TJP1: variants seen among roughly 807,000 people sequenced by gnomAD.
TJP1 encodes the protein tight junction protein 1, also known as tight junction protein ZO-1.
TJP1 carries 43 observed loss-of-function variants against 194.2 expected under a neutral mutation model. The ratio of observed to expected loss-of-function variants is 0.22; its 90% CI spans 0.17 to 0.29. The LOEUF (loss-of-function observed/expected upper bound fraction) is 0.29. Among genes scored for constraint, TJP1 ranks in the 10% least tolerant of loss-of-function variants. TJP1 has a pLI of 1.00. For missense variants in TJP1, 1,971 were observed against 2,185.7 expected, an observed-to-expected ratio of 0.90 and a Z score of 1.96; for synonymous variants, 801 against 779.0, an observed-to-expected ratio of 1.03 and a Z score of -0.47.
intron 2 of TJP1, among the ~76,000 whole-genome samples, chr15:29,928,386 G>A (rs1353705534): frequency 1.3e-5 from 2 of 152,144 alleles, no homozygotes; most frequent in Non-Finnish European, 2.9e-5. Flanking sequence ...AACGACAAGT[G>A]TTGCTAAATA....
At position 29,732,547 on chromosome 15, in the gene TJP1, G is replaced by A; in HGVS notation, c.1922-19C>T. 1 of 1,613,742 alleles carries A rather than the reference G, an allele frequency of 6.2e-7. No homozygotes were observed. The highest frequency in any genetic ancestry group is 8.5e-7 in the Non-Finnish European group (1 of 1,179,746). ...AATCCAGCTGGAGAGAAATTCACAT[G>A]AAAAACAGCATATTTTATACCTTTT... is the stretch of plus-strand genomic sequence containing the variant. On this transcript the variant is annotated intron_variant, in intron 14 of 27. Transcript: ENST00000614355.
intron 1 of TJP1, among the ~76,000 whole-genome samples, chr15:29,965,362 A>C (rs780494744): frequency 1.3e-5 from 2 of 151,964 alleles, no homozygotes; most frequent in East Asian, 3.9e-4. Context: ...GGCACACACC[A>C]CCATGCCTGG....
At position 29,755,667 on chromosome 15, in the gene TJP1, C is replaced by T. The variant is rs545487525; in HGVS notation, c.1010+5472G>A. Among the ~76,000 whole-genome samples, 5 of 152,268 alleles carry T rather than the reference C, an allele frequency of 3.3e-5. No individual in the cohort carries two copies. The South Asian group carries it at 8.3e-4, about 25-fold the overall frequency. On this transcript the variant is annotated intron_variant, in intron 8 of 27. Coordinates refer to ENST00000614355, the MANE Select transcript of TJP1 (RefSeq NM_001330239.4). ...TAAGTTTCTCAGAACTAACCATTTT[C>T]GTAAAATGGATTTGCTAAATATAAA...
At chr15:29,873,905 G>A (rs2052610083) in intron 2 of TJP1, among the ~76,000 whole-genome samples, 1 of 152,206 alleles carries the variant, frequency 6.6e-6, no homozygotes, top group Non-Finnish European at 1.5e-5. Context: ...AGAACAAGAA[G>A]TACGTGAGAT....
chr15:29,779,072 C>A (rs146249800), intron 2 of TJP1, among the ~76,000 whole-genome samples: 13 of 152,300 alleles, frequency 8.5e-5, no homozygotes, highest in South Asian at 6.2e-4. Flanking sequence ...AAATCTCCCA[C>A]GAACTTCCTT....
At chr15:29,947,796 C>T (rs1293418694) in intron 2 of TJP1, among the ~76,000 whole-genome samples, 4 of 152,214 alleles carry the variant, frequency 2.6e-5, no homozygotes, top group Non-Finnish European at 5.9e-5. Flanking sequence ...GGCAGAGTCA[C>T]AGCAGCCACC....
intron 16 of TJP1, 94 bp from the exon 17 acceptor site, chr15:29,727,085 T>C: frequency 8.9e-7 from 1 of 1,120,268 alleles, no homozygotes; most frequent in East Asian, 2.4e-5. Context: ...ACGCTACGCC[T>C]ATAATCCTAG....
Position 29,701,432 on chromosome 15 carries a change from T to A in TJP1, c.*163A>T. 1.8e-6 allele frequency: 1 copy of A among 549,430 alleles called. No homozygotes were observed. The highest frequency in any genetic ancestry group is 3.2e-6 in the Non-Finnish European group (1 of 311,914). 34.0% of individuals were successfully genotyped at this position (549,430 alleles called of 1,614,324 possible). A position where few individuals can be genotyped will look rare whatever the true frequency, so the allele number is the denominator to read the frequency against. On this transcript the variant is annotated 3_prime_UTR_variant, in exon 28 of 28. Transcript: ENST00000614355. ...CAGTGTGTAGCATGTTTTCCGACCA[T>A]GGTTCAGGGGCATGCTCACTCATCT... is the stretch of plus-strand genomic sequence containing the variant.
intron 1 of TJP1, among the ~76,000 whole-genome samples, chr15:29,801,441 A>G (rs1204140855): frequency 2.0e-5 from 3 of 150,546 alleles, no homozygotes; most frequent in Admixed American, 6.7e-5. Context: ...GAGCCTCTCA[A>G]TAGAGAGGAA....
chr15:29,824,539 G>C (rs1404183514), upstream of TJP1, among the ~76,000 whole-genome samples: 1 of 151,542 alleles, frequency 6.6e-6, no homozygotes, highest in African/African-American at 2.4e-5. Flanking sequence ...TTTGAGACCA[G>C]CCTGGGAAAC....
At position 29,822,068 on chromosome 15, in the gene TJP1, G is replaced by A. The variant is rs984508774; in HGVS notation, c.-40C>T. The A allele has an allele frequency of 6.3e-6, 8 of 1,262,930 alleles. No homozygotes were observed. Among genetic ancestry groups the A allele is most frequent in the East Asian group, 3.2e-5 (1 of 31,440 alleles). 78.2% of individuals were successfully genotyped at this position (1,262,930 alleles called of 1,614,324 possible). The stretch of plus-strand genomic sequence containing the variant: ...GCGCCGCGCGAGGCTCCTCGGACCC[G>A]AAACTCCGCGGCGCTGGCCCGCCCG... On this transcript the variant is annotated 5_prime_UTR_variant, in exon 1 of 28. Coordinates refer to ENST00000614355, the MANE Select transcript of TJP1 (RefSeq NM_001330239.4).
chr15:29,732,385 A>T, intron 15 of TJP1, 48 bp downstream of exon 15: 3 of 1,478,180 alleles, frequency 2.0e-6, no homozygotes, highest in Non-Finnish European at 2.8e-6. Context: ...CACTCACTTT[A>T]GAGGTGTAAC....
chr15:29,841,446 T>A (rs900901423), intron 2 of TJP1, among the ~76,000 whole-genome samples: 6 of 152,212 alleles, frequency 3.9e-5, no homozygotes, highest in Non-Finnish European at 5.9e-5. Context: ...GACCTATACT[T>A]TGCAACACTT....
chr15:29,733,304 C>A lies in TJP1; in HGVS notation c.1526G>T (p.Arg509Leu), dbSNP rs776245658. 1 of 1,606,040 alleles carries A rather than the reference C, an allele frequency of 6.2e-7. No individual in the cohort carries two copies. Among genetic ancestry groups the A allele is most frequent in the Non-Finnish European group, 8.5e-7 (1 of 1,174,364 alleles). The change falls in exon 13 of 28, where the codon CGC (arginine) becomes CTC (leucine). Residue 509 changes from arginine (R) to leucine (L), a missense_variant. Coordinates refer to ENST00000614355, the MANE Select transcript of TJP1 (RefSeq NM_001330239.4). ...LAQKKKDVYR[R>L]IVESDVGDSF... Reference sequence around the variant, plus strand: ...ATCTCCTACATCTGATTCTACAATGCGACGATAAACTAAAAGGAATAAAAA... The same window carrying A: ...ATCTCCTACATCTGATTCTACAATGAGACGATAAACTAAAAGGAATAAAAA...
intron 2 of TJP1, among the ~76,000 whole-genome samples, chr15:29,872,088 G>T (rs2052545555): frequency 6.6e-6 from 1 of 152,118 alleles, no homozygotes; most frequent in African/African-American, 2.4e-5. Context: ...AGGCAGCGGG[G>T]GACACAATGG....
At chr15:29,709,698 G>C (rs1012831800) in intron 24 of TJP1, among the ~76,000 whole-genome samples, 1 of 152,204 alleles carries the variant, frequency 6.6e-6, no homozygotes, top group Admixed American at 6.5e-5. Context: ...TCTTAAACAT[G>C]ATAAAGGACA....
Position 29,773,330 on chromosome 15 carries a change from T to C in TJP1, c.112A>G (p.Ile38Val), listed in dbSNP as rs1200520962. The change falls in exon 3 of 28, where the codon ATA (isoleucine) becomes GTA (valine). Residue 38 changes from isoleucine (I) to valine (V), a missense_variant. Ile to Val is a conservative substitution (Grantham distance 29). Coordinates refer to ENST00000614355, the MANE Select transcript of TJP1 (RefSeq NM_001330239.4). Reference protein sequence around the residue: ...RAPGFGFGIAISGGRDNPHFQ... With the variant: ...RAPGFGFGIAVSGGRDNPHFQ... The stretch of plus-strand genomic sequence containing the variant: ...TGAGGATTATCTCGTCCACCAGATA[T>C]TGCAATTCCAAATCCAAATCCAGGA... 4 of 1,613,838 alleles carry C rather than the reference T, an allele frequency of 2.5e-6. No individual in the cohort carries two copies. The highest frequency in any genetic ancestry group is 2.2e-5 in the East Asian group (1 of 44,880).
intron 2 of TJP1, among the ~76,000 whole-genome samples, chr15:29,949,222 T>G (rs1399278851): frequency 3.3e-5 from 1 of 30,012 alleles, no homozygotes; most frequent in Non-Finnish European, 6.1e-5. Flanking sequence ...CCACCTCCAC[T>G]TTCACCACCA....
chr15:29,778,238 G>T (rs1013130056), intron 2 of TJP1, among the ~76,000 whole-genome samples: 2 of 151,766 alleles, frequency 1.3e-5, no homozygotes, highest in African/African-American at 2.4e-5. Context: ...CTGCAGGTAA[G>T]AATCACTTGG....
Sources: gnomAD v4.1 joint callset for allele counts (sites outside exome capture counted in the v4.1 genomes callset) on GRCh38, gnomAD v4.1.1 for gene constraint, MANE v1.5 for transcripts, NCBI Gene and HGNC (gene_info 2026-07-23, HGNC 2026-07-21) for gene names.